The following TMEM214 variants were observed in gnomAD, a reference collection of about 807,000 sequenced individuals.
TMEM214 encodes the protein transmembrane protein 214.
Under a neutral mutation model 89.8 loss-of-function variants are expected in TMEM214, and 71 were observed. The ratio of observed to expected loss-of-function variants is 0.79; its 90% CI spans 0.65 to 0.96. The LOEUF (loss-of-function observed/expected upper bound fraction) is 0.96. TMEM214 is among the 40% of genes least tolerant of loss of function. TMEM214 has a pLI of 0.00. For synonymous variants in TMEM214, 332 were observed against 349.5 expected, an observed-to-expected ratio of 0.95 and a Z score of 0.56; for missense variants, 754 against 843.4, an observed-to-expected ratio of 0.89 and a Z score of 1.31.
rs201409340 is a variant in TMEM214 at position 27,039,820 on chromosome 2, C to T, written c.1605C>T (p.Tyr535=). Residue 535 remains tyrosine (Y), a synonymous_variant, in exon 14 of 17, where the codon TAC becomes TAT. Coordinates refer to ENST00000238788, the MANE Select transcript of TMEM214 (RefSeq NM_017727.5). ...AAGCGTGTGCCAAGCTCTACTCCTA[C>T]AGTCTGCAAGGCTACAGGTGAGCTC... ...SQQACAKLYS[Y]SLQGYSWLGE... 1.9e-6 allele frequency: 3 copies of T among 1,614,238 alleles called. No homozygotes were observed. The highest frequency in any genetic ancestry group is 2.2e-5 in the East Asian group (1 of 44,884).
At chr2:27,035,430 G>C (rs1464479323) in intron 3 of TMEM214, 145 bp downstream of exon 3, 1 of 1,415,210 alleles carries the variant, frequency 7.1e-7, no homozygotes, top group Non-Finnish European at 9.6e-7. Context: ...GAATGTTTCT[G>C]GGCCTCATTC....
At chr2:27,037,837 C>G in intron 9 of TMEM214, 135 bp downstream of exon 9, 4 of 1,579,082 alleles carry the variant, frequency 2.5e-6, no homozygotes, top group Non-Finnish European at 3.4e-6. Context: ...AGCTGCCTGC[C>G]CCGCTCACTC....
At chr2:27,037,213 G>A (rs559447754) in intron 8 of TMEM214, 35 bp downstream of exon 8, 27 of 1,494,422 alleles carry the variant, frequency 1.8e-5, no homozygotes, top group Non-Finnish European at 2.5e-5. Context: ...GCTGAGAAGG[G>A]ACCACAGCAC....
chr2:27,036,054 T>G lies in TMEM214; in HGVS notation c.720+2T>G, dbSNP rs1667546677. ...ATTGCCACGGCAAACCTAGGCAAGG[T>G]GAGCTCTCAGTGATGGTGGGGATGC... is the stretch of plus-strand genomic sequence containing the variant. On this transcript the variant is annotated splice_donor_variant, in intron 5 of 16. Coordinates refer to ENST00000238788, the MANE Select transcript of TMEM214 (RefSeq NM_017727.5). LOFTEE classifies it high-confidence loss of function. The G allele has an allele frequency of 6.2e-7, 1 of 1,613,890 alleles. No homozygotes were observed. The highest frequency in any genetic ancestry group is 8.5e-7 in the Non-Finnish European group (1 of 1,179,930).
chr2:27,040,150 C>T lies in TMEM214; in HGVS notation c.1743C>T (p.Ala581=), dbSNP rs1281484899. 3 of 1,607,872 alleles carry T rather than the reference C, an allele frequency of 1.9e-6. No individual in the cohort carries two copies. The highest frequency in any genetic ancestry group is 2.2e-5 in the East Asian group (1 of 44,874). The part of the protein sequence containing the change: ...ATVSFLSAHC[A]SHLAWFGDSL... ...TCAGCTTCCTTTCTGCCCACTGTGC[C>T]TCTCACCTTGCGTGGTTTGGTGACA... The change falls in exon 15 of 17, where the codon GCC becomes GCT. Residue 581 remains alanine (A), a synonymous_variant. Coordinates refer to ENST00000238788, the MANE Select transcript of TMEM214 (RefSeq NM_017727.5).
chr2:27,038,586 G>C lies in TMEM214; in HGVS notation c.1293+54G>C. On this transcript the variant is annotated intron_variant, in intron 11 of 16. Coordinates refer to ENST00000238788, the MANE Select transcript of TMEM214 (RefSeq NM_017727.5). This position sits in a 1 kb window ranked among gnomAD's most constrained non-coding sequence, Gnocchi z 4.4. ...GAGCCCTGTCTGGATTCTAGGTTCT[G>C]AGTGGGGGCTCCTCAGCCACTGTCC... 2 of 1,611,720 alleles carry C rather than the reference G, an allele frequency of 1.2e-6. No homozygotes were observed. Among genetic ancestry groups the C allele is most frequent in the Non-Finnish European group, 1.7e-6 (2 of 1,178,358 alleles).
Position 27,035,283 on chromosome 2 carries a change from A to G in TMEM214, c.500A>G (p.His167Arg). 6.2e-7 allele frequency: 1 copy of G among 1,614,224 alleles called. No homozygotes were observed. The change falls in exon 3 of 17, where the codon CAT becomes CGT. Residue 167 changes from histidine to arginine, a missense_variant and splice_region_variant. His to Arg is a conservative substitution (Grantham distance 29). Coordinates refer to ENST00000238788, the MANE Select transcript of TMEM214 (RefSeq NM_017727.5). ...GAACCCACGCTGAGCCAGCATACTCATGGTAAGTCCTTCCAGCTTCCTCAA... is the reference window on the plus strand; with the variant it reads ...GAACCCACGCTGAGCCAGCATACTCGTGGTAAGTCCTTCCAGCTTCCTCAA... Reference protein sequence around the residue: ...LSEPTLSQHTHDYPYSLVSRE... With the variant: ...LSEPTLSQHTRDYPYSLVSRE...
intron 1 of TMEM214, 81 bp downstream of exon 1, chr2:27,033,247 G>T: frequency 8.3e-7 from 1 of 1,205,062 alleles, no homozygotes; most frequent in Non-Finnish European, 1.0e-6. Flanking sequence ...ACCTGGGCGC[G>T]AGCTCGCAGG....
Position 27,035,224 on chromosome 2 carries a change from C to T in TMEM214, c.441C>T (p.Ser147=), listed in dbSNP as rs1370101674. The change falls in exon 3 of 17, where the codon AGC becomes AGT. Residue 147 remains serine (S), a synonymous_variant. Coordinates refer to ENST00000238788, the MANE Select transcript of TMEM214 (RefSeq NM_017727.5). ...NPSIWLKDLA[S]YLNYKLQAPL... is the part of the protein sequence containing the mutation. ...CCATATGGTTGAAGGACCTGGCCAG[C>T]TATCTCAACTACAAGCTACAAGCTC... is the stretch of plus-strand genomic sequence containing the variant. 1 of 1,614,198 alleles carries T rather than the reference C, an allele frequency of 6.2e-7. No homozygotes were observed. Among genetic ancestry groups the T allele is most frequent in the Non-Finnish European group, 8.5e-7 (1 of 1,180,034 alleles).
In TMEM214 at chr2:27,034,276, C is replaced by T; in HGVS notation, c.351+10C>T. 1 of 1,612,474 alleles carries T rather than the reference C, an allele frequency of 6.2e-7. No homozygotes were observed. Among genetic ancestry groups the T allele is most frequent in the Non-Finnish European group, 8.5e-7 (1 of 1,179,716 alleles). ...GGAAGCACTGAAAGCTGTGAGTGTG[C>T]CTAGACATGAGACGCAGAAAGAATG... On this transcript the variant is annotated intron_variant, in intron 2 of 16. Coordinates refer to ENST00000238788, the MANE Select transcript of TMEM214 (RefSeq NM_017727.5).
At position 27,040,818 on chromosome 2, in the gene TMEM214, C is replaced by T; in HGVS notation, c.2051C>T (p.Ala684Val). The change falls in exon 17 of 17, where the codon GCC (alanine) becomes GTC (valine). Residue 684 changes from alanine (A) to valine (V), a missense_variant. By Grantham distance (64) the Ala-to-Val change is moderately conservative. Transcript: ENST00000238788. ...GTGGCTTTCTTGGACTGGGCACTTG[C>T]CCTGATATCCCAGCAGTAGGCCCTG... is the stretch of plus-strand genomic sequence containing the variant. ...ITVAFLDWAL[A>V]LISQQ is the part of the protein sequence containing the mutation. The T allele has an allele frequency of 6.2e-7, 1 of 1,613,894 alleles. No individual in the cohort carries two copies. The highest frequency in any genetic ancestry group is 8.5e-7 in the Non-Finnish European group (1 of 1,179,766).
chr2:27,035,605 A>C lies in TMEM214; in HGVS notation c.514A>C (p.Ser172Arg). Residue 172 changes from serine to arginine, a missense_variant, in exon 4 of 17, where the codon AGC (serine) becomes CGC (arginine). Coordinates refer to ENST00000238788, the MANE Select transcript of TMEM214 (RefSeq NM_017727.5). ...CCTATGGGCCTTAGATTATCCCTAC[A>C]GCCTGGTGAGCCGGGAGCTACGTGG... The part of the protein sequence containing the change: ...LSQHTHDYPY[S>R]LVSRELRGII... The C allele has an allele frequency of 6.2e-7, 1 of 1,614,176 alleles. No homozygotes were observed.
At chr2:27,034,849 G>T (rs1174152923) in intron 2 of TMEM214, among the ~76,000 whole-genome samples, 5 of 152,144 alleles carry the variant, frequency 3.3e-5, no homozygotes, top group Non-Finnish European at 5.9e-5. Context: ...CTCCCAAAGT[G>T]CTGGGATTAC....
chr2:27,039,010 C>G, intron 12 of TMEM214, 37 bp from the exon 13 acceptor site: 1 of 1,602,286 alleles, frequency 6.2e-7, no homozygotes, highest in Non-Finnish European at 8.5e-7. Context: ...ACCAGCCCCT[C>G]GCTTCTGACA....
Position 27,038,857 on chromosome 2 carries a change from ATC to A in TMEM214, c.1407+46_1407+47del. 1 of 1,567,824 alleles carries A rather than the reference ATC, an allele frequency of 6.4e-7. No homozygotes were observed. Among genetic ancestry groups the A allele is most frequent in the South Asian group, 1.1e-5 (1 of 89,524 alleles). On this transcript the variant is annotated intron_variant, in intron 12 of 16. Coordinates refer to ENST00000238788, the MANE Select transcript of TMEM214 (RefSeq NM_017727.5). This position sits in a 1 kb window ranked among gnomAD's most constrained non-coding sequence, Gnocchi z 4.4. ...CTCTCCAGCCCACACGCTATCTTAC[ATC>A]TCTGTCTCAGCACACCTGGGTTGGG...
At position 27,033,176 on chromosome 2, in the gene TMEM214, C is replaced by T; in HGVS notation, c.151+10C>T. The T allele has an allele frequency of 1.6e-6, 2 of 1,247,404 alleles. No individual in the cohort carries two copies. The highest frequency in any genetic ancestry group is 2.0e-6 in the Non-Finnish European group (2 of 987,618). The allele number at this position is 1,247,404 out of a possible 1,614,324, so 77.3% of individuals were successfully genotyped here. A position where few individuals can be genotyped will look rare whatever the true frequency, so the allele number is the denominator to read the frequency against. On this transcript the variant is annotated intron_variant, in intron 1 of 16. Coordinates refer to ENST00000238788, the MANE Select transcript of TMEM214 (RefSeq NM_017727.5). ...AAATACGACCTGACCCGTGAGTACC[C>T]GCCCTGCCCCGCCGCCTACCCCAGG...
At position 27,038,576 on chromosome 2, in the gene TMEM214, T is replaced by C; in HGVS notation, c.1293+44T>C. On this transcript the variant is annotated intron_variant, in intron 11 of 16. Transcript: ENST00000238788. This position sits in a 1 kb window ranked among gnomAD's most constrained non-coding sequence, Gnocchi z 4.4. ...GTGGCAGGTTGAGCCCTGTCTGGAT[T>C]CTAGGTTCTGAGTGGGGGCTCCTCA... 2 of 1,613,150 alleles carry C rather than the reference T, an allele frequency of 1.2e-6. No individual in the cohort carries two copies. The highest frequency in any genetic ancestry group is 1.7e-6 in the Non-Finnish European group (2 of 1,179,416).
chr2:27,033,788 C>G (rs1667434036), intron 1 of TMEM214, among the ~76,000 whole-genome samples: 1 of 152,252 alleles, frequency 6.6e-6, no homozygotes, highest in African/African-American at 2.4e-5. Context: ...AGGCAAACCT[C>G]TATATCCAAC....
At position 27,040,724 on chromosome 2, in the gene TMEM214, T is replaced by C. The variant is rs1317073176; in HGVS notation, c.1957T>C (p.Trp653Arg). The change falls in exon 17 of 17, where the codon TGG becomes CGG. Residue 653 changes from tryptophan (W) to arginine (R), a missense_variant. Trp to Arg is a moderately radical substitution (Grantham distance 101). Transcript: ENST00000238788. ...CTTTCCTTCCAGAGGTGAGGTGACC[T>C]GGGACTGCATGAAGACACAGCTCAG... ...CHEACRGEVT[W>R]DCMKTQLSEA... 4 of 1,614,040 alleles carry C rather than the reference T, an allele frequency of 2.5e-6. No individual in the cohort carries two copies. Among genetic ancestry groups the C allele is most frequent in the Admixed American group, 1.7e-5 (1 of 60,028 alleles).
Sources: allele counts gnomAD v4.1 joint callset (sites outside exome capture counted in the v4.1 genomes callset), GRCh38; gene constraint gnomAD v4.1.1; non-coding constraint Gnocchi (gnomAD v3.1); transcripts MANE v1.5; gene names NCBI Gene and HGNC (gene_info 2026-07-23, HGNC 2026-07-21).